The following UQCRC2 variants were observed in gnomAD, a reference collection of about 807,000 sequenced individuals.
UQCRC2 encodes cytochrome b-c1 complex subunit 2, mitochondrial.
UQCRC2 carries 49 observed loss-of-function variants against 55.6 expected under a neutral mutation model. The ratio of observed to expected loss-of-function variants is 0.88; its 90% confidence interval spans 0.70 to 1.12. UQCRC2 has a LOEUF of 1.12. Among genes scored for constraint, UQCRC2 ranks in the 50% most tolerant of loss-of-function variants. The pLI is 0.00. For synonymous variants in UQCRC2, 193 were observed against 192.0 expected, an observed-to-expected ratio of 1.01 and a Z score of -0.04; for missense variants, 506 against 547.8, an observed-to-expected ratio of 0.92 and a Z score of 0.76.
chr16:21,958,487 A>T, intron 3 of UQCRC2, 48 bp from the exon 4 acceptor site: 1 of 1,566,304 alleles, frequency 6.4e-7, no homozygotes, highest in Non-Finnish European at 8.8e-7. Context: ...ATGTTTGGCA[A>T]ACTTGGCATT....
At chr16:21,980,420 A>G in intron 12 of UQCRC2, 127 bp from the exon 13 acceptor site, 2 of 952,510 alleles carry the variant, frequency 2.1e-6, no homozygotes, top group Non-Finnish European at 3.1e-6. Context: ...GAATTCAGGA[A>G]GAGGGAGACA....
chr16:21,957,394 T>C, intron 2 of UQCRC2, 23 bp from the exon 3 acceptor site: 1 of 1,613,976 alleles, frequency 6.2e-7, no homozygotes, highest in Non-Finnish European at 8.5e-7. Context: ...ATTCATTATA[T>C]CTCTACTTTA....
At chr16:21,979,120 C>A (rs1420707215) in intron 12 of UQCRC2, among the ~76,000 whole-genome samples, 1 of 152,158 alleles carries the variant, frequency 6.6e-6, no homozygotes, top group Non-Finnish European at 1.5e-5. Flanking sequence ...AAGACTGTGA[C>A]CTTTATAACA....
At chr16:21,971,470 C>G in intron 8 of UQCRC2, 55 bp from the exon 9 acceptor site, 1 of 1,380,844 alleles carries the variant, frequency 7.2e-7, no homozygotes, top group Non-Finnish European at 1.0e-6. Flanking sequence ...AAATATTTTA[C>G]GATTGTGTTT....
intron 1 of UQCRC2, 152 bp downstream of exon 1, chr16:21,953,608 C>T (rs1898047449): frequency 9.9e-7 from 1 of 1,008,336 alleles, no homozygotes; most frequent in Middle Eastern, 3.3e-4. Flanking sequence ...CAGACTGGGT[C>T]AGGCTTTGGA....
At chr16:21,973,421 T>C (rs1235852028) in intron 10 of UQCRC2, among the ~76,000 whole-genome samples, 1 of 152,184 alleles carries the variant, frequency 6.6e-6, no homozygotes, top group Non-Finnish European at 1.5e-5. Flanking sequence ...GAGGTTAAAC[T>C]CTTGATAGCT....
intron 5 of UQCRC2, 118 bp from the exon 6 acceptor site, chr16:21,962,643 A>AGT: frequency 6.3e-7 from 1 of 1,591,810 alleles, no homozygotes. Context: ...AAACTGCTCA[A>AGT]AAACACTGCT....
intron 7 of UQCRC2, among the ~76,000 whole-genome samples, chr16:21,967,061 A>G (rs1898344596): frequency 6.6e-6 from 1 of 152,186 alleles, no homozygotes; most frequent in South Asian, 2.1e-4. Context: ...AAATATCAAG[A>G]TGTTAACTGT....
intron 4 of UQCRC2, among the ~76,000 whole-genome samples, chr16:21,958,905 C>T (rs1395795801): frequency 3.9e-5 from 6 of 152,156 alleles, no homozygotes; most frequent in Non-Finnish European, 4.4e-5. Context: ...TGTGGTTTCC[C>T]AGTGCATATA....
Position 21,971,961 on chromosome 16 carries a change from G to A in UQCRC2, c.805G>A (p.Ala269Thr). ...REQNGDSLVH[A>T]AFVAESAVAG... ...ACAGAATGGAGACAGTCTTGTCCAT[G>A]CTGCTTTTGTAGCAGAAAGTGCTGT... The change falls in exon 10 of 14, where the codon GCT becomes ACT. Residue 269 changes from alanine to threonine, a missense_variant. Ala to Thr is a moderately conservative substitution (Grantham distance 58). Coordinates refer to ENST00000268379, the MANE Select transcript of UQCRC2 (RefSeq NM_003366.4). 6.2e-7 allele frequency: 1 copy of A among 1,614,158 alleles called. No homozygotes were observed. Among genetic ancestry groups the A allele is most frequent in the Non-Finnish European group, 8.5e-7 (1 of 1,180,028 alleles).
At chr16:21,962,692 G>A in intron 5 of UQCRC2, 69 bp from the exon 6 acceptor site, 1 of 1,608,190 alleles carries the variant, frequency 6.2e-7, no homozygotes, top group South Asian at 1.1e-5. Context: ...GAGCATTACA[G>A]CTATGTAGAA....
chr16:21,983,291 C>A lies in UQCRC2; in HGVS notation c.*120C>A. 2 of 806,016 alleles carry A rather than the reference C, an allele frequency of 2.5e-6. No homozygotes were observed. The highest frequency in any genetic ancestry group is 2.9e-5 in the Admixed American group (1 of 34,888). 49.9% of individuals were successfully genotyped at this position (806,016 alleles called of 1,614,324 possible). A position where few individuals can be genotyped will look rare whatever the true frequency, so the allele number is the denominator to read the frequency against. The stretch of plus-strand genomic sequence containing the variant: ...TTTTTTCCAGTGAGGTAAAATAAGG[C>A]ATAAATGCAGGTAATTATTCCCAGC... On this transcript the variant is annotated 3_prime_UTR_variant, in exon 14 of 14. Coordinates refer to ENST00000268379, the MANE Select transcript of UQCRC2 (RefSeq NM_003366.4).
At chr16:21,961,667 T>C (rs1173529722) in intron 4 of UQCRC2, among the ~76,000 whole-genome samples, 1 of 126,028 alleles carries the variant, frequency 7.9e-6, no homozygotes, top group African/African-American at 3.0e-5. Flanking sequence ...TATATATATA[T>C]ATTTTAGACA....
chr16:21,979,991 T>C (rs1341811451), intron 12 of UQCRC2, among the ~76,000 whole-genome samples: 2 of 152,230 alleles, frequency 1.3e-5, no homozygotes, highest in East Asian at 3.8e-4. Context: ...AGAAGACTTT[T>C]GCCCAGCTGC....
At chr16:21,974,316 CAG>C (rs1363229796) in intron 11 of UQCRC2, among the ~76,000 whole-genome samples, 1 of 152,000 alleles carries the variant, frequency 6.6e-6, no homozygotes, top group Non-Finnish European at 1.5e-5. Flanking sequence ...GTGTTGAAAT[CAG>C]GGATATGTGT....
intron 6 of UQCRC2, among the ~76,000 whole-genome samples, chr16:21,965,075 C>T (rs1020669338): frequency 3.3e-5 from 5 of 152,038 alleles, no homozygotes; most frequent in East Asian, 1.9e-4. Flanking sequence ...GGCAAGATGG[C>T]GGCAGAACCA....
intron 7 of UQCRC2, 85 bp downstream of exon 7, chr16:21,965,590 C>T (rs1898306864): frequency 8.7e-7 from 1 of 1,155,354 alleles, no homozygotes; most frequent in African/African-American, 1.6e-5. Context: ...GTTAATTTTT[C>T]CTTTTATCTT....
chr16:21,975,854 G>T (rs1029588264), intron 11 of UQCRC2, among the ~76,000 whole-genome samples: 40 of 152,302 alleles, frequency 2.6e-4, no homozygotes, highest in African/African-American at 7.2e-4. Context: ...ACTTTGGGAG[G>T]TTAAGGTGGG....
chr16:21,973,271 T>C (rs1387156588), intron 10 of UQCRC2, among the ~76,000 whole-genome samples: 1 of 152,204 alleles, frequency 6.6e-6, no homozygotes, highest in Non-Finnish European at 1.5e-5. Context: ...TAGGTCCATT[T>C]TGGGAATCTG....
Sources: allele counts gnomAD v4.1 joint callset (sites outside exome capture counted in the v4.1 genomes callset), GRCh38; gene constraint gnomAD v4.1.1; transcripts MANE v1.5; gene names NCBI Gene and HGNC (gene_info 2026-07-23, HGNC 2026-07-21).